PTPRG: variants seen among roughly 807,000 people sequenced by gnomAD.
The protein encoded by PTPRG is receptor-type tyrosine-protein phosphatase gamma.
A neutral mutation model predicts 165.3 loss-of-function variants in PTPRG; 102 were observed. That is an observed-to-expected ratio of 0.62 (90% confidence interval 0.53 to 0.73). The LOEUF (loss-of-function observed/expected upper bound fraction) is 0.73. PTPRG is among the 30% of genes least tolerant of loss of function. PTPRG has a pLI of 0.00. For missense variants in PTPRG, 1,866 were observed against 1,861.4 expected, an observed-to-expected ratio of 1.00 and a Z score of -0.05; for synonymous variants, 675 against 669.5, an observed-to-expected ratio of 1.01 and a Z score of -0.13.
chr3:62,020,832 A>G (rs1575897979), intron 4 of PTPRG, among the ~76,000 whole-genome samples: 1 of 134,598 alleles, frequency 7.4e-6, no homozygotes, highest in Non-Finnish European at 1.5e-5. Flanking sequence ...GTCACCATGC[A>G]CAGGTTTTTT....
intron 1 of PTPRG, among the ~76,000 whole-genome samples, chr3:61,632,687 A>G (rs1192913166): frequency 2.0e-5 from 3 of 152,230 alleles, no homozygotes; most frequent in Non-Finnish European, 4.4e-5. Flanking sequence ...AGGTAGGGCA[A>G]CATACCAAGG....
intron 5 of PTPRG, among the ~76,000 whole-genome samples, chr3:62,106,718 C>T (rs1702486435): frequency 6.6e-6 from 1 of 152,072 alleles, no homozygotes; most frequent in Admixed American, 6.6e-5. Flanking sequence ...CTCTTGATAT[C>T]TTTGGTGAAA....
chr3:61,684,199 T>G (rs1703545925), intron 1 of PTPRG, among the ~76,000 whole-genome samples: 1 of 152,178 alleles, frequency 6.6e-6, no homozygotes, highest in African/African-American at 2.4e-5. Flanking sequence ...GGTCACAACT[T>G]GTCCTGTTTC....
chr3:61,889,179 T>C (rs1269041665), intron 2 of PTPRG, among the ~76,000 whole-genome samples: 1 of 152,222 alleles, frequency 6.6e-6, no homozygotes, highest in East Asian at 1.9e-4. Context: ...ATTACTATTA[T>C]GGTTGCCAAG....
At chr3:62,226,019 T>C (rs116549743) in intron 13 of PTPRG, among the ~76,000 whole-genome samples, 1 of 152,308 alleles carries the variant, frequency 6.6e-6, no homozygotes, top group African/African-American at 2.4e-5. Context: ...TACCCCCACC[T>C]AATTAGTATA....
At chr3:61,792,705 TTTCTTTCTTTCTTTCTTTCTTTC>T (rs1347152279) in intron 2 of PTPRG, among the ~76,000 whole-genome samples, 3 of 119,298 alleles carry the variant, frequency 2.5e-5, no homozygotes, top group African/African-American at 1.2e-4. Flanking sequence ...TCTTTCTTTC[TTTCTTTCTTTCTTTCTTTCTTTC>T]TTTCTTTCTT....
chr3:61,800,940 C>T (rs1442736979), intron 2 of PTPRG, among the ~76,000 whole-genome samples: 3 of 152,096 alleles, frequency 2.0e-5, no homozygotes, highest in Non-Finnish European at 2.9e-5. Flanking sequence ...CCACCATGTC[C>T]GGCCAGAACT....
chr3:61,692,588 A>G (rs1171962448), intron 1 of PTPRG, among the ~76,000 whole-genome samples: 1 of 152,108 alleles, frequency 6.6e-6, no homozygotes, highest in Non-Finnish European at 1.5e-5. Context: ...GAGGCGAGGT[A>G]GGGGTGGGGC....
chr3:62,198,804 TTCAA>T (rs1452828309), intron 10 of PTPRG, among the ~76,000 whole-genome samples: 1 of 152,222 alleles, frequency 6.6e-6, no homozygotes, highest in African/African-American at 2.4e-5. Context: ...TATCTGAGAT[TTCAA>T]TCAGAGACAA....
Position 61,871,108 on chromosome 3 carries a change from CTGTTATGTTATGTTA to C in PTPRG, c.191-118507_191-118493del, listed in dbSNP as rs200340668. Among the ~76,000 whole-genome samples the C allele has an allele frequency of 5.5e-5, 7 of 127,184 alleles. No individual in the cohort carries two copies. In the East Asian group the frequency reaches 1.1e-3, roughly 20 times the overall value. The allele number at this position is 127,184 out of a possible 152,430, so 83.4% of individuals were successfully genotyped here. A position where few individuals can be genotyped will look rare whatever the true frequency, so the allele number is the denominator to read the frequency against. On this transcript the variant is annotated intron_variant, in intron 2 of 29. Transcript: ENST00000474889. ...CAGTATTCCATTTTCCCTACATTCC[CTGTTATGTTATGTTA>C]TGTTATGTTGTGTTGTGTTGTGTTG... is the stretch of plus-strand genomic sequence containing the variant.
intron 5 of PTPRG, among the ~76,000 whole-genome samples, chr3:62,128,629 A>T (rs1703402016): frequency 6.6e-6 from 1 of 151,160 alleles, no homozygotes; most frequent in Admixed American, 6.6e-5. Context: ...TGACAACATT[A>T]TGAGACTGTA....
intron 1 of PTPRG, among the ~76,000 whole-genome samples, chr3:61,660,690 G>A (rs916951662): frequency 5.9e-5 from 9 of 152,078 alleles, no homozygotes; most frequent in African/African-American, 2.2e-4. Flanking sequence ...GGTTGACAAT[G>A]ATAATGATGA....
intron 4 of PTPRG, among the ~76,000 whole-genome samples, chr3:62,013,996 T>C (rs1473281998): frequency 3.3e-5 from 5 of 152,320 alleles, no homozygotes; most frequent in African/African-American, 4.8e-5. Context: ...AGAGGATTTA[T>C]GGGCCTGTGT....
intron 2 of PTPRG, chr3:61,771,361 C>A (rs1233299447): frequency 7.4e-6 from 1 of 134,242 alleles, no homozygotes; most frequent in Non-Finnish European, 1.6e-5. Context: ...AGAGCTTTAT[C>A]TTTTTGTCCT....
chr3:61,978,281 G>A (rs1215990183), intron 2 of PTPRG, among the ~76,000 whole-genome samples: 1 of 152,206 alleles, frequency 6.6e-6, no homozygotes, highest in African/African-American at 2.4e-5. Context: ...TTCCTCCAAA[G>A]CAGAACATTA....
intron 1 of PTPRG, among the ~76,000 whole-genome samples, chr3:61,741,496 C>G (rs2032983327): frequency 6.6e-6 from 1 of 152,146 alleles, no homozygotes; most frequent in Admixed American, 6.5e-5. Context: ...CTTCTAAGTC[C>G]TTTGGAATGA....
intron 15 of PTPRG, among the ~76,000 whole-genome samples, chr3:62,244,745 T>C (rs1701252600): frequency 6.6e-6 from 1 of 152,202 alleles, no homozygotes; most frequent in African/African-American, 2.4e-5. Context: ...TTCTTTGCTC[T>C]CTTCCCACTA....
intron 4 of PTPRG, among the ~76,000 whole-genome samples, chr3:62,075,404 A>G (rs560971144): frequency 1.3e-5 from 2 of 152,362 alleles, no homozygotes; most frequent in African/African-American, 2.4e-5. Flanking sequence ...ATATTAAACC[A>G]TTCTAATCTG....
intron 5 of PTPRG, among the ~76,000 whole-genome samples, chr3:62,120,553 C>G (rs957339749): frequency 7.0e-5 from 9 of 129,148 alleles, no homozygotes; most frequent in African/African-American, 2.4e-4. Flanking sequence ...GAGTTCGAGA[C>G]CAGCCTGGCC....
Sources: gnomAD v4.1 joint callset for allele counts (sites outside exome capture counted in the v4.1 genomes callset) on GRCh38, gnomAD v4.1.1 for gene constraint, MANE v1.5 for transcripts, NCBI Gene and HGNC (gene_info 2026-07-23, HGNC 2026-07-21) for gene names.